AMZ1: variants seen among roughly 807,000 people sequenced by gnomAD.
AMZ1 encodes the protein archaemetzincin-1.
A neutral mutation model predicts 29.9 loss-of-function variants in AMZ1; 39 were observed. The observed-to-expected ratio is 1.30, with a 90% confidence interval of 1.01 to 1.70. The LOEUF (loss-of-function observed/expected upper bound fraction) is 1.70. AMZ1 is among the 40% of genes most tolerant of loss of function. The probability of loss-of-function intolerance (pLI) is 0.00; values close to 1 mark genes in which losing one functional copy is unlikely to be tolerated. For missense variants in AMZ1, 1,041 were observed against 680.6 expected, an observed-to-expected ratio of 1.53 and a Z score of -5.89; for synonymous variants, 458 against 304.0, an observed-to-expected ratio of 1.51 and a Z score of -5.27.
intron 4 of AMZ1, among the ~76,000 whole-genome samples, chr7:2,732,632 A>G (rs114294203): frequency 1.3e-5 from 2 of 152,198 alleles, no homozygotes; most frequent in Admixed American, 6.5e-5. Context: ...CTTCTTGCCA[A>G]AACACCAAAC....
At chr7:2,722,563 G>C (rs1248134396), downstream of AMZ1, among the ~76,000 whole-genome samples, 1 of 152,222 alleles carries the variant, frequency 6.6e-6, no homozygotes, top group Non-Finnish European at 1.5e-5. Context: ...GAGCCACCGT[G>C]CCCAGCCAGG....
intron 1 of AMZ1, 28 bp from the exon 2 acceptor site, chr7:2,700,206 A>G (rs1268347739): frequency 3.6e-6 from 2 of 556,694 alleles, no homozygotes; most frequent in Non-Finnish European, 6.4e-6. Flanking sequence ...CTCGGCAGTG[A>G]GGGGACCCCT....
chr7:2,706,044 T>C (rs1788335319), intron 3 of AMZ1, among the ~76,000 whole-genome samples: 1 of 152,088 alleles, frequency 6.6e-6, no homozygotes, highest in Non-Finnish European at 1.5e-5. Context: ...CAAACTGCTG[T>C]TTTCCCCAGC....
chr7:2,757,664 G>C (rs1201010157), intron 4 of AMZ1, among the ~76,000 whole-genome samples: 1 of 152,312 alleles, frequency 6.6e-6, no homozygotes, highest in Non-Finnish European at 1.5e-5. Context: ...GCCGTTTTAA[G>C]TTGCTAATTG....
At position 2,709,500 on chromosome 7, in the gene AMZ1, C is replaced by T. The variant is rs1385870616; in HGVS notation, c.772-140C>T. On this transcript the variant is annotated intron_variant, in intron 5 of 6. Coordinates refer to ENST00000683327, the MANE Select transcript of AMZ1 (RefSeq NM_001384743.1). ...TGAAAGTGGCCTGTGCCGCCTGGGG[C>T]AGGGGGAGGGCGCCTGGACCACCTC... 6.0e-6 allele frequency: 8 copies of T among 1,326,928 alleles called. No homozygotes were observed. In the Admixed American group the frequency reaches 7.3e-5, roughly 12 times the overall value. 82.2% of individuals were successfully genotyped at this position (1,326,928 alleles called of 1,614,324 possible).
rs749788065 is a variant in AMZ1, at chr7:2,712,484, T to G, written c.1103T>G (p.Leu368Arg). ...SEPGTSVSEP[L>R]TPDAGSHTFA... ...CCCGGCACCAGTGTGTCGGAGCCCC[T>G]CACCCCTGATGCCGGGAGTCACACC... Residue 368 changes from leucine (L) to arginine (R), a missense_variant, in exon 7 of 7, where the codon CTC becomes CGC. Leu to Arg is a moderately radical substitution (Grantham distance 102, BLOSUM62 -2). Coordinates refer to ENST00000683327, the MANE Select transcript of AMZ1 (RefSeq NM_001384743.1). 11 of 1,610,312 alleles carry G rather than the reference T, an allele frequency of 6.8e-6. No individual in the cohort carries two copies. Among genetic ancestry groups the G allele is most frequent in the Non-Finnish European group, 8.5e-7 (1 of 1,179,208 alleles).
rs1442206822 is a variant in AMZ1 at position 2,719,283 on chromosome 7, T to G, written c.*6405T>G. Among the ~76,000 whole-genome samples, 1 of 152,206 alleles carries G rather than the reference T, an allele frequency of 6.6e-6. No individual in the cohort carries two copies. The stretch of plus-strand genomic sequence containing the variant: ...CCCGCCTGCACCACTTGGAGGCAGT[T>G]GTTTCACGTGGGGCTCTTGATGGCA... On this transcript the variant is annotated 3_prime_UTR_variant, in exon 7 of 7. Transcript: ENST00000683327.
chr7:2,688,796 C>A (rs563950508), intron 1 of AMZ1, among the ~76,000 whole-genome samples: 14 of 152,300 alleles, frequency 9.2e-5, no homozygotes, highest in African/African-American at 3.4e-4. Context: ...AAGGCTTCCT[C>A]CCCCAGGAGA....
intron 1 of AMZ1, among the ~76,000 whole-genome samples, chr7:2,697,923 C>T (rs933324730): frequency 1.3e-4 from 20 of 152,052 alleles, no homozygotes; most frequent in South Asian, 2.1e-4. Flanking sequence ...TAAGCCAGTA[C>T]GTTCCTCTGG....
Position 2,700,667 on chromosome 7 carries a change from G to A in AMZ1, c.216G>A (p.Glu72=). ...TGFDWLLSRP[E]APEDFQTFHA... ...TCGACTGGCTCCTGAGCCGACCCGAGGCTCCCGAGGACTTCCAGACCTTCC... is the reference window on the plus strand; with the variant it reads ...TCGACTGGCTCCTGAGCCGACCCGAAGCTCCCGAGGACTTCCAGACCTTCC... The change falls in exon 2 of 7, where the codon GAG becomes GAA. Residue 72 remains glutamate, a synonymous_variant. Coordinates refer to ENST00000683327, the MANE Select transcript of AMZ1 (RefSeq NM_001384743.1). 1.2e-6 allele frequency: 2 copies of A among 1,612,602 alleles called. No homozygotes were observed. Among genetic ancestry groups the A allele is most frequent in the Non-Finnish European group, 1.7e-6 (2 of 1,180,006 alleles).
At chr7:2,722,760 GCCAA>G (rs1456630575), downstream of AMZ1, among the ~76,000 whole-genome samples, 7 of 152,102 alleles carry the variant, frequency 4.6e-5, no homozygotes, top group African/African-American at 1.7e-4. Flanking sequence ...ATCACTTGAG[GCCAA>G]GAGTTCAACA....
upstream of AMZ1, among the ~76,000 whole-genome samples, chr7:2,764,204 C>G (rs560023198): frequency 2.5e-4 from 38 of 151,408 alleles, no homozygotes; most frequent in Middle Eastern, 3.5e-3. Flanking sequence ...TCCTGAGTAG[C>G]TGGGACCACG....
At chr7:2,695,147 C>G (rs1449913382) in intron 1 of AMZ1, among the ~76,000 whole-genome samples, 1 of 152,204 alleles carries the variant, frequency 6.6e-6, no homozygotes, top group Non-Finnish European at 1.5e-5. Flanking sequence ...GACTTGCCCA[C>G]TACGGCCCTT....
At chr7:2,740,348 T>C (rs557449968) in intron 4 of AMZ1, among the ~76,000 whole-genome samples, 115 of 152,254 alleles carry the variant, frequency 7.6e-4, no homozygotes, top group Admixed American at 3.2e-3. Context: ...CATGATACGA[T>C]AGTGCCTTCA....
intron 1 of AMZ1, among the ~76,000 whole-genome samples, chr7:2,681,674 A>T (rs1375190515): frequency 6.6e-6 from 1 of 152,134 alleles, no homozygotes; most frequent in African/African-American, 2.4e-5. Context: ...GGGAGATGTC[A>T]TTGGAGATTC....
At chr7:2,694,709 GTCAC>G (rs1787601917) in intron 1 of AMZ1, among the ~76,000 whole-genome samples, 1 of 150,924 alleles carries the variant, frequency 6.6e-6, no homozygotes, top group Non-Finnish European at 1.5e-5. Flanking sequence ...GTCTCGCTCT[GTCAC>G]TCAGGCTGGA....
At chr7:2,711,627 C>G (rs1788784781) in intron 6 of AMZ1, among the ~76,000 whole-genome samples, 1 of 152,188 alleles carries the variant, frequency 6.6e-6, no homozygotes, top group Non-Finnish European at 1.5e-5. Context: ...CACTATGTTG[C>G]CCAGGCTGGT....
At chr7:2,732,854 A>C (rs1789970323) in intron 4 of AMZ1, among the ~76,000 whole-genome samples, 1 of 152,250 alleles carries the variant, frequency 6.6e-6, no homozygotes, top group African/African-American at 2.4e-5. Flanking sequence ...GATCCTGACC[A>C]ATGGCAATGC....
intron 4 of AMZ1, among the ~76,000 whole-genome samples, chr7:2,752,734 G>T (rs756107167): frequency 6.6e-6 from 1 of 151,634 alleles, no homozygotes; most frequent in African/African-American, 2.4e-5. Flanking sequence ...TTTTTTTGCC[G>T]TAACTTTTCA....
Sources: allele counts gnomAD v4.1 joint callset (sites outside exome capture counted in the v4.1 genomes callset), GRCh38; gene constraint gnomAD v4.1.1; transcripts MANE v1.5; gene names NCBI Gene and HGNC (gene_info 2026-07-23, HGNC 2026-07-21).